The following EPSTI1 variants were observed in gnomAD, a reference collection of about 807,000 sequenced individuals.
EPSTI1 encodes the protein epithelial stromal interaction 1, also known as epithelial-stromal interaction protein 1.
In EPSTI1, 66 loss-of-function variants were observed where a neutral mutation model predicts 49.9. The ratio of observed to expected loss-of-function variants is 1.32; its 90% CI spans 1.08 to 1.62. EPSTI1 has a LOEUF of 1.62. Among genes scored for constraint, EPSTI1 ranks in the 40% most tolerant of loss-of-function variants. The pLI, the probability that EPSTI1 is intolerant of heterozygous loss-of-function variation, is 0.00. For missense variants in EPSTI1, 394 were observed against 365.5 expected (o/e 1.08, Z -0.64); for synonymous variants, 137 against 130.7 (o/e 1.05, Z -0.33).
At chr13:42,925,241 A>G (rs552828621) in intron 7 of EPSTI1, among the ~76,000 whole-genome samples, 1 of 152,178 alleles carries the variant, frequency 6.6e-6, no homozygotes, top group East Asian at 1.9e-4. Context: ...CTCCTTCACA[A>G]TGTTGCCAAT....
At chr13:42,899,537 C>T (rs2037295028) in intron 9 of EPSTI1, among the ~76,000 whole-genome samples, 1 of 152,114 alleles carries the variant, frequency 6.6e-6, no homozygotes, top group Non-Finnish European at 1.5e-5. Flanking sequence ...ATGAAACCAA[C>T]ATAACTTAAA....
intron 1 of EPSTI1, among the ~76,000 whole-genome samples, chr13:42,974,501 CA>C (rs34955822): frequency 0.64 from 96,850 of 151,126 alleles, 31,080 homozygotes; most frequent in Middle Eastern, 0.83. Flanking sequence ...ACTAAAAATA[CA>C]AAAAAAATTA....
At chr13:42,931,871 C>T (rs1157507688) in intron 6 of EPSTI1, among the ~76,000 whole-genome samples, 1 of 152,092 alleles carries the variant, frequency 6.6e-6, no homozygotes, top group Admixed American at 6.5e-5. Context: ...CTGGTATATA[C>T]ATCTTGTGCA....
chr13:42,965,061 G>T (rs559513466), intron 3 of EPSTI1, among the ~76,000 whole-genome samples: 1 of 152,176 alleles, frequency 6.6e-6, no homozygotes, highest in Admixed American at 6.5e-5. Context: ...TATAAGGCCT[G>T]TTTGGTGTTG....
intron 7 of EPSTI1, among the ~76,000 whole-genome samples, chr13:42,920,190 G>C (rs2037953066): frequency 6.6e-6 from 1 of 152,080 alleles, no homozygotes; most frequent in Admixed American, 6.5e-5. Flanking sequence ...TAGGGGTCAG[G>C]GCTTCCACAT....
At chr13:42,905,017 A>T (rs1317533810) in intron 8 of EPSTI1, among the ~76,000 whole-genome samples, 1 of 152,164 alleles carries the variant, frequency 6.6e-6, no homozygotes, top group Non-Finnish European at 1.5e-5. Context: ...TCCTCATACC[A>T]TCAGTAGGAA....
intron 6 of EPSTI1, among the ~76,000 whole-genome samples, chr13:42,942,814 G>A (rs548371985): frequency 5.8e-4 from 87 of 150,954 alleles, no homozygotes; most frequent in African/African-American, 9.5e-4. Context: ...TCAGCCTCCC[G>A]AGTAGCTGGG....
chr13:42,979,508 G>A (rs1324118850), intron 1 of EPSTI1, among the ~76,000 whole-genome samples: 3 of 150,138 alleles, frequency 2.0e-5, no homozygotes, highest in South Asian at 4.2e-4. Context: ...CGTGAACCCG[G>A]AAGGCGGCGG....
intron 1 of EPSTI1, among the ~76,000 whole-genome samples, chr13:42,975,326 A>G (rs1252948634): frequency 1.3e-5 from 2 of 152,212 alleles, no homozygotes; most frequent in African/African-American, 2.4e-5. Flanking sequence ...ACCCCTGATC[A>G]AGTATTCCAC....
intron 1 of EPSTI1, among the ~76,000 whole-genome samples, chr13:42,979,591 AAAAAAAAAAAAG>A (rs2039949658): frequency 8.2e-6 from 1 of 121,594 alleles, no homozygotes; most frequent in Non-Finnish European, 1.8e-5. Context: ...TCTCAAAAAA[AAAAAAAAAAAAG>A]AAAAGAAAAG....
intron 2 of EPSTI1, chr13:42,970,359 A>C: frequency 2.7e-6 from 1 of 377,296 alleles, no homozygotes; most frequent in Non-Finnish European, 4.7e-6. Flanking sequence ...AATAAGTGTA[A>C]AGTTGTTCAA....
chr13:42,938,409 G>C (rs1244011504), intron 6 of EPSTI1, among the ~76,000 whole-genome samples: 2 of 152,018 alleles, frequency 1.3e-5, no homozygotes, highest in East Asian at 1.9e-4. Flanking sequence ...TCCATTCATA[G>C]AGCATACACA....
chr13:42,956,308 AC>A (rs1300258571), intron 5 of EPSTI1, among the ~76,000 whole-genome samples: 1 of 152,148 alleles, frequency 6.6e-6, no homozygotes, highest in Non-Finnish European at 1.5e-5. Flanking sequence ...TGGAGAGTGG[AC>A]TCACAGCTTT....
At chr13:42,946,345 T>C (rs895515444) in intron 6 of EPSTI1, among the ~76,000 whole-genome samples, 4 of 152,130 alleles carry the variant, frequency 2.6e-5, no homozygotes, top group Non-Finnish European at 5.9e-5. Context: ...AATTTAGAAA[T>C]AGGAAGACCC....
At chr13:42,975,601 A>G (rs2039865293) in intron 1 of EPSTI1, among the ~76,000 whole-genome samples, 1 of 152,198 alleles carries the variant, frequency 6.6e-6, no homozygotes, top group African/African-American at 2.4e-5. Context: ...TTACTGAGAT[A>G]TTGTAAATTC....
intron 8 of EPSTI1, 120 bp from the exon 9 acceptor site, chr13:42,900,503 C>T: frequency 1.1e-6 from 1 of 905,676 alleles, no homozygotes; most frequent in Non-Finnish European, 1.7e-6. Flanking sequence ...GAAACTTTTA[C>T]TTAAGTACTA....
Position 42,888,476 on chromosome 13 carries a change from A to G in EPSTI1, c.*18T>C, listed in dbSNP as rs1400628176. The G allele has an allele frequency of 6.2e-7, 1 of 1,613,902 alleles. No homozygotes were observed. The highest frequency in any genetic ancestry group is 8.5e-7 in the Non-Finnish European group (1 of 1,179,850). ...TTCGAGGTCAGTTGATGAAGGCCAG[A>G]TAGGAGTCAATATTTTCTCATATAC... is the stretch of plus-strand genomic sequence containing the variant. On this transcript the variant is annotated 3_prime_UTR_variant, in exon 11 of 11. Coordinates refer to ENST00000313624, the MANE Select transcript of EPSTI1 (RefSeq NM_033255.5).
At chr13:42,976,424 G>A (rs902288615) in intron 1 of EPSTI1, among the ~76,000 whole-genome samples, 3 of 152,178 alleles carry the variant, frequency 2.0e-5, no homozygotes, top group Non-Finnish European at 2.9e-5. Flanking sequence ...CCAACAAAAC[G>A]TAAGTGTACC....
At chr13:42,950,309 T>A (rs549200604) in intron 6 of EPSTI1, among the ~76,000 whole-genome samples, 45 of 152,224 alleles carry the variant, frequency 3.0e-4, no homozygotes, top group Non-Finnish European at 5.6e-4. Context: ...ATAAAAACCA[T>A]CCTGTGTGCT....
Sources: allele counts gnomAD v4.1 joint callset (sites outside exome capture counted in the v4.1 genomes callset), GRCh38; gene constraint gnomAD v4.1.1; transcripts MANE v1.5; gene names NCBI Gene and HGNC (gene_info 2026-07-23, HGNC 2026-07-21).